RBFOX1: variants seen among roughly 807,000 people sequenced by gnomAD.
RBFOX1 encodes RNA binding fox-1 homolog 1.
A neutral mutation model predicts 57.7 loss-of-function variants in RBFOX1; 8 were observed. The observed-to-expected ratio is 0.14, with a 90% CI of 0.08 to 0.25. RBFOX1 has a LOEUF of 0.25. RBFOX1 is among the 10% of genes least tolerant of loss of function. RBFOX1 has a pLI of 1.00. For missense variants in RBFOX1, 611 were observed against 548.5 expected (o/e 1.11, Z -1.14); for synonymous variants, 326 against 222.4 (o/e 1.47, Z -4.15).
At chr16:5,574,079 G>A (rs185227407) in intron 2 of RBFOX1, among the ~76,000 whole-genome samples, 1 of 152,346 alleles carries the variant, frequency 6.6e-6, no homozygotes, top group Admixed American at 6.5e-5. Context: ...ATTTTTATCT[G>A]TTGCTTTTGG....
intron 2 of RBFOX1, among the ~76,000 whole-genome samples, chr16:5,524,223 C>G (rs889237758): frequency 6.6e-6 from 1 of 152,178 alleles, no homozygotes; most frequent in South Asian, 2.1e-4. Flanking sequence ...AGACTGTGCT[C>G]TACGTGCAAA....
intron 2 of RBFOX1, among the ~76,000 whole-genome samples, chr16:6,341,534 A>G (rs1340350876): frequency 6.6e-6 from 1 of 152,214 alleles, no homozygotes. Flanking sequence ...TCTTGAAAAC[A>G]AAAGGATTCC....
At chr16:6,423,589 T>G (rs1272757413) in intron 2 of RBFOX1, among the ~76,000 whole-genome samples, 1 of 152,076 alleles carries the variant, frequency 6.6e-6, no homozygotes, top group South Asian at 2.1e-4. Flanking sequence ...GGTGACAGAC[T>G]GAGACTCTGT....
intron 3 of RBFOX1, among the ~76,000 whole-genome samples, chr16:5,716,272 A>G (rs186643950): frequency 2.6e-5 from 4 of 152,336 alleles, no homozygotes; most frequent in Admixed American, 2.6e-4. Context: ...GTACCAAGCT[A>G]ATAAGTTCAG....
chr16:6,030,484 C>T (rs775866229), intron 1 of RBFOX1, among the ~76,000 whole-genome samples: 2 of 152,170 alleles, frequency 1.3e-5, no homozygotes, highest in African/African-American at 2.4e-5. Flanking sequence ...TATTTCTCTA[C>T]CCTTCCATTT....
chr16:7,364,220 G>A (rs967954352), intron 4 of RBFOX1, among the ~76,000 whole-genome samples: 1 of 152,130 alleles, frequency 6.6e-6, no homozygotes, highest in African/African-American at 2.4e-5. Flanking sequence ...GGGATGTGCC[G>A]GGCTAGCGGC....
intron 2 of RBFOX1, among the ~76,000 whole-genome samples, chr16:6,616,403 G>A (rs2098141348): frequency 6.6e-6 from 1 of 151,126 alleles, no homozygotes; most frequent in Admixed American, 6.6e-5. Flanking sequence ...TTGGCCAGGC[G>A]TGATGGCTCA....
At chr16:7,695,245 G>A (rs1001418575) in intron 14 of RBFOX1, among the ~76,000 whole-genome samples, 14 of 152,108 alleles carry the variant, frequency 9.2e-5, no homozygotes, top group African/African-American at 2.9e-4. Flanking sequence ...GCATGAAAAA[G>A]GAGACACCCA....
At chr16:7,680,769 TGTGTGACAAAA>T (rs2074526086) in intron 14 of RBFOX1, among the ~76,000 whole-genome samples, 1 of 152,194 alleles carries the variant, frequency 6.6e-6, no homozygotes, top group African/African-American at 2.4e-5. Context: ...TTGCTACTTT[TGTGTGACAAAA>T]ATGACATATT....
chr16:6,900,324 C>T (rs1008274063), intron 3 of RBFOX1, among the ~76,000 whole-genome samples: 1 of 152,204 alleles, frequency 6.6e-6, no homozygotes, highest in Non-Finnish European at 1.5e-5. Context: ...TTGCCATCAT[C>T]TCCCCCTGGA....
chr16:6,628,474 A>C (rs1354765510), intron 2 of RBFOX1, among the ~76,000 whole-genome samples: 1 of 152,238 alleles, frequency 6.6e-6, no homozygotes, highest in Non-Finnish European at 1.5e-5. Context: ...CTATATACCC[A>C]GCATTAAGAT....
chr16:6,155,969 A>T (rs2096835632), intron 1 of RBFOX1, among the ~76,000 whole-genome samples: 1 of 152,270 alleles, frequency 6.6e-6, no homozygotes, highest in East Asian at 1.9e-4. Flanking sequence ...GGTATCATTT[A>T]ATCCTCCCCA....
At chr16:5,882,845 C>A (rs1158556893) in intron 4 of RBFOX1, among the ~76,000 whole-genome samples, 2 of 152,140 alleles carry the variant, frequency 1.3e-5, no homozygotes, top group Non-Finnish European at 2.9e-5. Context: ...TTTTATAAGC[C>A]ATGGAGAGTC....
chr16:6,858,143 G>A (rs969379564), intron 3 of RBFOX1, among the ~76,000 whole-genome samples: 9 of 152,166 alleles, frequency 5.9e-5, no homozygotes, highest in Non-Finnish European at 1.3e-4. Flanking sequence ...TTATTAACGT[G>A]ACTGTAATTT....
chr16:5,593,083 A>T (rs1272969235), intron 2 of RBFOX1, among the ~76,000 whole-genome samples: 2 of 152,224 alleles, frequency 1.3e-5, no homozygotes, highest in African/African-American at 4.8e-5. Flanking sequence ...AAAGACCTGG[A>T]ACCAACCCAA....
intron 3 of RBFOX1, among the ~76,000 whole-genome samples, chr16:6,794,430 G>T (rs1159503431): frequency 6.6e-6 from 1 of 152,052 alleles, no homozygotes; most frequent in South Asian, 2.1e-4. Context: ...CTATTGCTCA[G>T]ATTCCCTTCA....
intron 2 of RBFOX1, among the ~76,000 whole-genome samples, chr16:6,594,682 G>T (rs61608856): frequency 0.41 from 55,696 of 134,840 alleles, 10,777 homozygotes; most frequent in Admixed American, 0.5. Context: ...GACCCAGCAC[G>T]CTCATCTTTG....
intron 1 of RBFOX1, among the ~76,000 whole-genome samples, chr16:6,033,548 A>T (rs1016229771): frequency 6.6e-6 from 1 of 152,186 alleles, no homozygotes; most frequent in Non-Finnish European, 1.5e-5. Context: ...TGCTCTTTTT[A>T]AAAAAATTAA....
intron 1 of RBFOX1, among the ~76,000 whole-genome samples, chr16:5,264,550 G>C (rs187602818): frequency 2.4e-4 from 36 of 152,310 alleles, no homozygotes; most frequent in African/African-American, 7.7e-4. Flanking sequence ...GTTCTTTATT[G>C]TAAAAGTGTA....
Sources: allele counts gnomAD v4.1 joint callset (sites outside exome capture counted in the v4.1 genomes callset), GRCh38; gene constraint gnomAD v4.1.1; transcripts MANE v1.5; gene names NCBI Gene and HGNC (gene_info 2026-07-23, HGNC 2026-07-21).